CFAP46: variants seen among roughly 807,000 people sequenced by gnomAD.
The protein encoded by CFAP46 is cilia and flagella associated protein 46, also known as cilia- and flagella-associated protein 46.
Under a neutral mutation model 325.7 loss-of-function variants are expected in CFAP46, and 245 were observed. The observed-to-expected ratio is 0.75, with a 90% CI of 0.68 to 0.84. CFAP46 has a LOEUF of 0.84. CFAP46 is among the 40% of genes least tolerant of loss of function. The pLI is 0.00. For synonymous variants in CFAP46, 1,523 were observed against 1,495.9 expected (o/e 1.02, Z -0.42); for missense variants, 3,346 against 3,543.0 (o/e 0.94, Z 1.41).
Position 132,869,064 on chromosome 10 carries a change from C to T in CFAP46, c.4610+210G>A, listed in dbSNP as rs987432088. ...GGCCACCCTGGAGAGCCCCCCTCAC[C>T]GCCCCTCCCTCCCTCTGTGAGGAGC... On this transcript the variant is annotated intron_variant, in intron 33 of 57. Transcript: ENST00000368586. This position sits in a 1 kb window ranked among gnomAD's most constrained non-coding sequence, Gnocchi z 6.2. Among the ~76,000 whole-genome samples the T allele has an allele frequency of 1.3e-5, 2 of 152,232 alleles. No individual in the cohort carries two copies. Among genetic ancestry groups the T allele is most frequent in the African/African-American group, 2.4e-5 (1 of 41,468 alleles).
rs547887989 is a variant in CFAP46, at chr10:132,867,930, C to T, written c.4611-423G>A. On this transcript the variant is annotated intron_variant, in intron 33 of 57. Coordinates refer to ENST00000368586, the MANE Select transcript of CFAP46 (RefSeq NM_001200049.3). ...GTCTGCTACCTTCCCCTTCGCTGCT[C>T]CACCTGGCCCCGGCCACGGCCCCCG... is the stretch of plus-strand genomic sequence containing the variant. Among the ~76,000 whole-genome samples, 9 of 152,334 alleles carry T rather than the reference C, an allele frequency of 5.9e-5. No homozygotes were observed. In the East Asian group the frequency reaches 1.4e-3, roughly 23 times the overall value.
intron 13 of CFAP46, among the ~76,000 whole-genome samples, 166 bp from the exon 14 acceptor site, chr10:132,920,348 T>C (rs1007710115): frequency 1.3e-5 from 2 of 152,182 alleles, no homozygotes; most frequent in Non-Finnish European, 2.9e-5. Flanking sequence ...CTCACAGAGC[T>C]GCAGAGTGGC....
intron 27 of CFAP46, 27 bp downstream of exon 27, chr10:132,885,076 C>T (rs369206910): frequency 3.9e-6 from 6 of 1,527,684 alleles, no homozygotes; most frequent in African/African-American, 1.4e-5. Flanking sequence ...AATTTTACCA[C>T]GTGCACCCAC....
At chr10:132,918,956 T>C (rs996815447) in intron 15 of CFAP46, among the ~76,000 whole-genome samples, 2 of 152,310 alleles carry the variant, frequency 1.3e-5, no homozygotes, top group South Asian at 2.1e-4. Flanking sequence ...TTGATGAGCC[T>C]GCCCCACCCA....
At chr10:132,813,825 A>G (rs1262442152) in intron 54 of CFAP46, among the ~76,000 whole-genome samples, 1 of 152,198 alleles carries the variant, frequency 6.6e-6, no homozygotes, top group East Asian at 1.9e-4. Flanking sequence ...TGGACCACGG[A>G]ACCCCAAGGG....
chr10:132,936,436 CG>C (rs1328370662), intron 7 of CFAP46, among the ~76,000 whole-genome samples: 1 of 68,588 alleles, frequency 1.5e-5, no homozygotes, highest in Non-Finnish European at 2.8e-5. Context: ...TCACTCCCCT[CG>C]GCATCCAAAC....
At chr10:132,859,657 C>T (rs1222786978) in intron 37 of CFAP46, among the ~76,000 whole-genome samples, 1 of 152,212 alleles carries the variant, frequency 6.6e-6, no homozygotes, top group South Asian at 2.1e-4. Flanking sequence ...GGCATGAGGC[C>T]GCCGCCCCGG....
chr10:132,883,473 A>T (rs1663234806), intron 27 of CFAP46, among the ~76,000 whole-genome samples: 1 of 152,236 alleles, frequency 6.6e-6, no homozygotes, highest in Admixed American at 6.5e-5. Flanking sequence ...CGACATCAAG[A>T]GCTGGTGAGC....
chr10:132,922,609 G>A lies in CFAP46; in HGVS notation c.1356C>T (p.Ala452=), dbSNP rs568847431. The change falls in exon 12 of 58, where the codon GCC becomes GCT. Residue 452 remains alanine, a synonymous_variant. Transcript: ENST00000368586. ...AGAGGCCCAGGCTGTCCAGGCGCGC[G>A]GCTTTCCGGAGGTGCTCCGTGGCGG... ...LEPATEHLRK[A]ARLDSLGLYR... The A allele has an allele frequency of 2.1e-4, 322 of 1,549,558 alleles. 1 individual carries two copies. In the African/African-American group the frequency reaches 2.2e-3, roughly 10 times the overall value.
chr10:132,893,837 C>T (rs1312154989), intron 24 of CFAP46, among the ~76,000 whole-genome samples: 4 of 152,230 alleles, frequency 2.6e-5, no homozygotes, highest in Non-Finnish European at 5.9e-5. Context: ...TGAAGTCTTT[C>T]TTCTGAGGAG....
At position 132,912,596 on chromosome 10, in the gene CFAP46, T is replaced by TTCA. The variant is rs1564798448; in HGVS notation, c.2499+58_2499+59insTGA. On this transcript the variant is annotated intron_variant, in intron 19 of 57. Transcript: ENST00000368586. ...TCACCTCTCCTCTCCTCTCTCTCTC[T>TTCA]CCTCTCTCCTCTCTCTCTCTCTCTC... The TTCA allele has an allele frequency of 6.4e-5, 85 of 1,322,276 alleles. 1 individual carries two copies. Among genetic ancestry groups the TTCA allele is most frequent in the African/African-American group, 2.6e-4 (13 of 50,054 alleles). 81.9% of individuals were successfully genotyped at this position (1,322,276 alleles called of 1,614,324 possible).
rs367821376 is a variant in CFAP46, at chr10:132,885,833, G to A, written c.3431C>T (p.Thr1144Met). ...GGGGAGCACTCACAGGCGGTGGGCC[G>A]TCCTTGGCAGCACCTGCACAGCCTC... ...LDEAVQVLPRTAHRLLIFKHM... is the reference protein window; with the variant it reads ...LDEAVQVLPRMAHRLLIFKHM... Residue 1144 changes from threonine (T) to methionine (M), a missense_variant, in exon 26 of 58, where the codon ACG (threonine) becomes ATG (methionine). Physicochemically the swap from Thr to Met is moderately conservative, Grantham distance 81. Transcript: ENST00000368586. 8.7e-5 allele frequency: 135 copies of A among 1,549,216 alleles called. No individual in the cohort carries two copies. The highest frequency in any genetic ancestry group is 3.9e-4 in the East Asian group (16 of 40,902).
At chr10:132,874,216 G>A (rs1848932623) in intron 31 of CFAP46, among the ~76,000 whole-genome samples, 1 of 152,200 alleles carries the variant, frequency 6.6e-6, no homozygotes, top group African/African-American at 2.4e-5. Flanking sequence ...CACAAGCACA[G>A]ATGCACACAC....
At chr10:132,911,204 C>T (rs542130164) in intron 19 of CFAP46, among the ~76,000 whole-genome samples, 69 of 152,328 alleles carry the variant, frequency 4.5e-4, no homozygotes, top group African/African-American at 1.5e-3. Flanking sequence ...CTCGGAAGAA[C>T]GACCTGCACC....
At chr10:132,923,738 G>C (rs1343428501) in intron 11 of CFAP46, among the ~76,000 whole-genome samples, 1 of 152,210 alleles carries the variant, frequency 6.6e-6, no homozygotes, top group African/African-American at 2.4e-5. Context: ...AGGCCCAGCA[G>C]GGGTGTGAGG....
Position 132,941,964 on chromosome 10 carries a change from C to G in CFAP46, c.174+16G>C. 2 of 1,551,450 alleles carry G rather than the reference C, an allele frequency of 1.3e-6. No individual in the cohort carries two copies. The highest frequency in any genetic ancestry group is 1.7e-6 in the Non-Finnish European group (2 of 1,146,860). On this transcript the variant is annotated intron_variant, in intron 2 of 57. Transcript: ENST00000368586. ...TGTCAAAGCTGCCCTGACCGAGGATCCCGGGAACTAGTTACCTTCAGGGCC... is the reference window on the plus strand; with the variant it reads ...TGTCAAAGCTGCCCTGACCGAGGATGCCGGGAACTAGTTACCTTCAGGGCC...
At chr10:132,880,517 A>G (rs537071069) in intron 28 of CFAP46, among the ~76,000 whole-genome samples, 1 of 152,286 alleles carries the variant, frequency 6.6e-6, no homozygotes, top group South Asian at 2.1e-4. Flanking sequence ...CGGCCTCCTG[A>G]GGAAGGCTGC....
chr10:132,894,806 A>G (rs897252797), intron 24 of CFAP46, among the ~76,000 whole-genome samples: 1 of 152,242 alleles, frequency 6.6e-6, no homozygotes, highest in African/African-American at 2.4e-5. Context: ...AAGAGATTAA[A>G]TTAGTAATCA....
intron 50 of CFAP46, among the ~76,000 whole-genome samples, chr10:132,821,545 C>CTG (rs1217542739): frequency 2.8e-5 from 3 of 108,790 alleles, no homozygotes; most frequent in Admixed American, 2.2e-4. Context: ...CTGATGTGTG[C>CTG]TGTGTGCTGA....
Sources: gnomAD v4.1 joint callset for allele counts (sites outside exome capture counted in the v4.1 genomes callset) on GRCh38, gnomAD v4.1.1 for gene constraint, Gnocchi (gnomAD v3.1) non-coding constraint, MANE v1.5 for transcripts, NCBI Gene and HGNC (gene_info 2026-07-23, HGNC 2026-07-21) for gene names.